CELSR1: variants seen among roughly 807,000 people sequenced by gnomAD.
CELSR1 encodes the protein cadherin EGF LAG seven-pass G-type receptor 1.
In CELSR1, 110 loss-of-function variants were observed where a neutral mutation model predicts 249.1. The ratio of observed to expected loss-of-function variants is 0.44; its 90% CI spans 0.38 to 0.52. The LOEUF is 0.52. Ranked by LOEUF, CELSR1 falls within the 20% of genes least tolerant of loss-of-function variation. The pLI is 0.00. For synonymous variants in CELSR1, 2,113 were observed against 1,900.0 expected, an observed-to-expected ratio of 1.11 and a Z score of -2.92; for missense variants, 4,109 against 4,296.4, an observed-to-expected ratio of 0.96 and a Z score of 1.22.
At chr22:46,387,431 A>G (rs1357397568) in intron 18 of CELSR1, among the ~76,000 whole-genome samples, 2 of 152,142 alleles carry the variant, frequency 1.3e-5, no homozygotes, top group African/African-American at 4.8e-5. Flanking sequence ...TCCAGCCTGG[A>G]GTGCAGTGGC....
rs2079674076 is a variant in CELSR1 at position 46,437,301 on chromosome 22, G to A, written c.4407-1012C>T. Among the ~76,000 whole-genome samples the A allele has an allele frequency of 6.6e-6, 1 of 152,224 alleles. No homozygotes were observed. The highest frequency in any genetic ancestry group is 1.5e-5 in the Non-Finnish European group (1 of 68,038). On this transcript the variant is annotated intron_variant, in intron 3 of 34. Transcript: ENST00000674500. This position sits in a 1 kb window ranked among gnomAD's most constrained non-coding sequence, Gnocchi z 4.9. The stretch of plus-strand genomic sequence containing the variant: ...TTCAGAGAACTTGGCAACCTCCTGA[G>A]TGAGCTTGGGACTGGCTCCTGAGCT...
chr22:46,372,216 C>A (rs1248527871), intron 25 of CELSR1, among the ~76,000 whole-genome samples: 2 of 150,218 alleles, frequency 1.3e-5, no homozygotes, highest in African/African-American at 4.9e-5. Context: ...AACCATCCAT[C>A]TACTCACCCA....
intron 2 of CELSR1, among the ~76,000 whole-genome samples, chr22:46,460,203 A>ACCCC (rs752048957): frequency 7.3e-4 from 93 of 128,054 alleles, no homozygotes; most frequent in South Asian, 3.8e-3. Flanking sequence ...ACACACACAC[A>ACCCC]CACACACACA....
At position 46,385,694 on chromosome 22, in the gene CELSR1, T is replaced by C. The variant is rs1289237120; in HGVS notation, c.6739+708A>G. ...CGAATATTTTTTTTTTTTTTTTTTT[T>C]TGAGACGGAGTCTGGCTCTCTCGCC... On this transcript the variant is annotated intron_variant, in intron 19 of 34. Transcript: ENST00000674500. 5.4e-5 allele frequency among the ~76,000 whole-genome samples: 7 copies of C among 129,584 alleles called. No individual in the cohort carries two copies. The South Asian group carries it at 1.5e-3, about 28-fold the overall frequency. The allele number at this position is 129,584 out of a possible 152,430, so 85.0% of individuals were successfully genotyped here. A position where few individuals can be genotyped will look rare whatever the true frequency, so the allele number is the denominator to read the frequency against.
At chr22:46,384,079 C>A (rs768273446) in intron 20 of CELSR1, among the ~76,000 whole-genome samples, 2 of 152,046 alleles carry the variant, frequency 1.3e-5, no homozygotes, top group African/African-American at 4.8e-5. Context: ...GGATTACAGG[C>A]GCCCGCCACC....
chr22:46,366,240 AAGTTGCGGGTGGGAAG>A (rs1239224542), intron 30 of CELSR1, 130 bp downstream of exon 30: 8 of 430,042 alleles, frequency 1.9e-5, no homozygotes, highest in Non-Finnish European at 2.7e-5. Flanking sequence ...GCAGGGAGGG[AAGTTGCGGGTGGGAAG>A]AAGGTGCGGG....
intron 1 of CELSR1, among the ~76,000 whole-genome samples, chr22:46,519,143 G>A (rs887186460): frequency 2.6e-5 from 4 of 152,144 alleles, no homozygotes; most frequent in South Asian, 2.1e-4. Context: ...AAAAGCCCAC[G>A]GGTTGGGGCT....
At chr22:46,365,095 C>A (rs2078752637) in intron 32 of CELSR1, 136 bp downstream of exon 32, 2 of 1,260,042 alleles carry the variant, frequency 1.6e-6, no homozygotes, top group Admixed American at 5.5e-5. Flanking sequence ...AGAGTCCCCC[C>A]ACCCCAGGCT....
At chr22:46,385,896 C>A (rs2079028114) in intron 19 of CELSR1, among the ~76,000 whole-genome samples, 1 of 151,496 alleles carries the variant, frequency 6.6e-6, no homozygotes, top group African/African-American at 2.4e-5. Flanking sequence ...CCAGGATGGT[C>A]TTGATCTCCT....
At position 46,372,896 on chromosome 22, in the gene CELSR1, C is replaced by T. The variant is rs766319726; in HGVS notation, c.7746G>A (p.Pro2582=). ...GTGCATCCTCACCTGTGACAATGGC[C>T]GGGATGCCCCAGCCCACGACGTAGT... ...RFYYVVGWGI[P]AIVTGLAVGL... is the part of the protein sequence containing the mutation. The change falls in exon 25 of 35, where the codon CCG becomes CCA. Residue 2582 remains proline, a synonymous_variant. Transcript: ENST00000674500. The T allele has an allele frequency of 1.2e-5, 19 of 1,606,746 alleles. No individual in the cohort carries two copies. The African/African-American group carries it at 1.7e-4, about 15-fold the overall frequency.
At position 46,434,185 on chromosome 22, in the gene CELSR1, C is replaced by G. The variant is rs945676895; in HGVS notation, c.4523-704G>C. Among the ~76,000 whole-genome samples, 1 of 152,228 alleles carries G rather than the reference C, an allele frequency of 6.6e-6. No homozygotes were observed. The highest frequency in any genetic ancestry group is 1.5e-5 in the Non-Finnish European group (1 of 68,042). On this transcript the variant is annotated intron_variant, in intron 4 of 34. Transcript: ENST00000674500. This position sits in a 1 kb window ranked among gnomAD's most constrained non-coding sequence, Gnocchi z 4.9. ...CTCAGGCTTTTAACAACTCTTAAACCACGTAACACGTCCCATCGTGAGGTC... is the reference window on the plus strand; with the variant it reads ...CTCAGGCTTTTAACAACTCTTAAACGACGTAACACGTCCCATCGTGAGGTC...
rs2078791243 is a variant in CELSR1 at position 46,366,985 on chromosome 22, C to T, written c.8205+8G>A. The T allele has an allele frequency of 1.9e-6, 3 of 1,607,666 alleles. No homozygotes were observed. The highest frequency in any genetic ancestry group is 3.3e-5 in the Admixed American group (2 of 59,736). ...CCCCAGTCCCGCGGTGTCCCCGGCGCCTCCTACCGTCAGCAGGGTGGCCCT... is the reference window on the plus strand; with the variant it reads ...CCCCAGTCCCGCGGTGTCCCCGGCGTCTCCTACCGTCAGCAGGGTGGCCCT... On this transcript the variant is annotated splice_region_variant and intron_variant, in intron 29 of 34. Coordinates refer to ENST00000674500, the MANE Select transcript of CELSR1 (RefSeq NM_001378328.1).
At chr22:46,507,482 C>T (rs755300053) in intron 1 of CELSR1, among the ~76,000 whole-genome samples, 6 of 152,132 alleles carry the variant, frequency 3.9e-5, no homozygotes, top group Non-Finnish European at 8.8e-5. Flanking sequence ...CCTCCCTCCC[C>T]GGCCTCTGTG....
Position 46,384,549 on chromosome 22 carries a change from C to T in CELSR1, c.6877G>A (p.Glu2293Lys), listed in dbSNP as rs140996267. The T allele has an allele frequency of 2.7e-3, 4,347 of 1,606,034 alleles. 6 individuals are homozygous for T. The highest frequency in any genetic ancestry group is 3.9e-3 in the Admixed American group (229 of 58,256). Residue 2293 changes from glutamate (E) to lysine (K), a missense_variant, in exon 20 of 35, where the codon GAA becomes AAA. Coordinates refer to ENST00000674500, the MANE Select transcript of CELSR1 (RefSeq NM_001378328.1). ...FPADFFRPPE[E>K]KEGPLLRPAG... ...GGTTTCTAAGCGGTTTTACCTTTTT[C>T]TTCAGGTGGTCTGAAGAAGTCGGCT...
chr22:46,481,234 C>A (rs1227752208), intron 1 of CELSR1: 2 of 322,320 alleles, frequency 6.2e-6, no homozygotes, highest in Admixed American at 4.7e-5. Context: ...AAGAACAAGA[C>A]CATGTCTCAA....
intron 13 of CELSR1, 152 bp from the exon 14 acceptor site, chr22:46,394,414 T>C: frequency 1.1e-6 from 1 of 877,656 alleles, no homozygotes; most frequent in Non-Finnish European, 1.7e-6. Flanking sequence ...ATGGCCTCAG[T>C]CTCCCCTCTA....
Position 46,364,106 on chromosome 22 carries a change from G to A in CELSR1, c.8925C>T (p.Asp2975=), listed in dbSNP as rs780710233. ...RTSSLGSGGP[D]CAITVKSPGR... ...CAGGGCTCTTGACTGTGATGGCGCA[G>A]TCGGGGCCGCCAGAGCCCAGGGAAG... Residue 2975 remains aspartate, a synonymous_variant, in exon 34 of 35, where the codon GAC becomes GAT. Transcript: ENST00000674500. 2 of 1,612,192 alleles carry A rather than the reference G, an allele frequency of 1.2e-6. No homozygotes were observed. The highest frequency in any genetic ancestry group is 1.7e-6 in the Non-Finnish European group (2 of 1,179,634).
Position 46,390,546 on chromosome 22 carries a change from T to G in CELSR1, c.6251-60A>C. On this transcript the variant is annotated intron_variant, in intron 16 of 34. Coordinates refer to ENST00000674500, the MANE Select transcript of CELSR1 (RefSeq NM_001378328.1). This position sits in a 1 kb window ranked among gnomAD's most constrained non-coding sequence, Gnocchi z 6.3. ...CTCAAACTGTTGATCAATGCTTGTG[T>G]ATTTCAATCCACAATCTGAATATAC... 1 of 1,326,378 alleles carries G rather than the reference T, an allele frequency of 7.5e-7. No individual in the cohort carries two copies. Among genetic ancestry groups the G allele is most frequent in the Non-Finnish European group, 1.1e-6 (1 of 931,048 alleles). The allele number at this position is 1,326,378 out of a possible 1,614,324, so 82.2% of individuals were successfully genotyped here.
rs761767635 is a variant in CELSR1 at position 46,377,124 on chromosome 22, G to C, written c.7521C>G (p.Leu2507=). ...GCTGAGAGAGGAAGAGCGCCACGGCGAGGTGCTTGTGAATGCTGTGCAGGT... is the reference window on the plus strand; with the variant it reads ...GCTGAGAGAGGAAGAGCGCCACGGCCAGGTGCTTGTGAATGCTGTGCAGGT... ...RSNLHSIHKH[L]AVALFLSQLV... The change falls in exon 24 of 35, where the codon CTC becomes CTG. Residue 2507 remains leucine (L), a synonymous_variant. Transcript: ENST00000674500. The C allele has an allele frequency of 3.1e-6, 5 of 1,613,628 alleles. No individual in the cohort carries two copies. The Admixed American group carries it at 6.7e-5, about 22-fold the overall frequency.
Sources: gnomAD v4.1 joint callset for allele counts (sites outside exome capture counted in the v4.1 genomes callset) on GRCh38, gnomAD v4.1.1 for gene constraint, Gnocchi (gnomAD v3.1) non-coding constraint, MANE v1.5 for transcripts, NCBI Gene and HGNC (gene_info 2026-07-23, HGNC 2026-07-21) for gene names.